Variants in MAF observed in about 807,000 individuals in gnomAD.
MAF encodes transcription factor Maf.
In MAF, 10 loss-of-function variants were observed where a neutral mutation model predicts 22.0. The observed-to-expected ratio is 0.45, with a 90% CI of 0.28 to 0.77. The LOEUF is 0.77. Among genes scored for constraint, MAF ranks in the 30% least tolerant of loss-of-function variants. MAF has a pLI of 0.12. For missense variants in MAF, 544 were observed against 548.4 expected (o/e 0.99, Z 0.08); for synonymous variants, 337 against 255.8 (o/e 1.32, Z -3.03).
the MAF span, among the ~76,000 whole-genome samples, chr16:79,365,263 C>T: frequency 2.5e-3 from 383 of 152,304 alleles, 2 homozygotes; most frequent in African/African-American, 8.8e-3. Context: ...TAGGTAGGCC[C>T]TGCTATCGTG....
chr16:79,485,175 A>C, the MAF span, among the ~76,000 whole-genome samples: 2 of 152,172 alleles, frequency 1.3e-5, no homozygotes, highest in African/African-American at 4.8e-5. Context: ...GCTGTGTTCA[A>C]ACCCCACCCC....
the MAF span, among the ~76,000 whole-genome samples, chr16:79,218,432 G>T: frequency 6.6e-6 from 1 of 152,064 alleles, no homozygotes; most frequent in East Asian, 1.9e-4. Context: ...TCTATCAATT[G>T]ATCTCCTCAG....
the MAF span, among the ~76,000 whole-genome samples, chr16:79,493,138 T>TG: frequency 4.4e-4 from 64 of 144,244 alleles, no homozygotes; most frequent in South Asian, 1.7e-3. Context: ...TTCTGTTTTT[T>TG]TTTTGTTTTG....
the MAF span, among the ~76,000 whole-genome samples, chr16:79,382,637 T>A: frequency 6.6e-6 from 1 of 152,372 alleles, no homozygotes; most frequent in East Asian, 1.9e-4. Flanking sequence ...TTTTTAAAAT[T>A]GGAATTATCC....
At chr16:79,516,964 G>A in the MAF span, among the ~76,000 whole-genome samples, 1 of 152,192 alleles carries the variant, frequency 6.6e-6, no homozygotes, top group African/African-American at 2.4e-5. Context: ...TGAACCAGAG[G>A]CTTTCTAAGG....
At chr16:79,281,839 A>C in the MAF span, among the ~76,000 whole-genome samples, 1 of 152,048 alleles carries the variant, frequency 6.6e-6, no homozygotes, top group African/African-American at 2.4e-5. Flanking sequence ...ACAATCCTTT[A>C]CGCCTACAGC....
the MAF span, among the ~76,000 whole-genome samples, chr16:79,382,729 T>G: frequency 6.6e-6 from 1 of 152,228 alleles, no homozygotes; most frequent in Non-Finnish European, 1.5e-5. Flanking sequence ...GAGCATCATA[T>G]CTCAGAAAAA....
the MAF span, among the ~76,000 whole-genome samples, chr16:79,452,974 G>A: frequency 6.6e-6 from 1 of 152,176 alleles, no homozygotes; most frequent in Non-Finnish European, 1.5e-5. Flanking sequence ...GCGATGTGGA[G>A]GTTTATCTGT....
chr16:79,336,763 C>T, the MAF span, among the ~76,000 whole-genome samples: 1 of 152,148 alleles, frequency 6.6e-6, no homozygotes, highest in Non-Finnish European at 1.5e-5. Flanking sequence ...TTTGCATTTT[C>T]TTTTCTTCTG....
At chr16:79,290,658 A>G in the MAF span, among the ~76,000 whole-genome samples, 1 of 152,120 alleles carries the variant, frequency 6.6e-6, no homozygotes, top group Non-Finnish European at 1.5e-5. Flanking sequence ...CTGTTGGTCT[A>G]TTACATAAAA....
At chr16:79,463,868 G>A in the MAF span, among the ~76,000 whole-genome samples, 1 of 151,226 alleles carries the variant, frequency 6.6e-6, no homozygotes, top group African/African-American at 2.4e-5. Context: ...TTGCAGGTGT[G>A]GTGTTCTTTG....
chr16:79,379,504 CACA>C, the MAF span, among the ~76,000 whole-genome samples: 1 of 24,718 alleles, frequency 4.0e-5, no homozygotes, highest in African/African-American at 7.4e-4. Flanking sequence ...TGGAAGTGCA[CACA>C]CACACACACA....
At chr16:79,317,093 C>T in the MAF span, among the ~76,000 whole-genome samples, 1 of 152,010 alleles carries the variant, frequency 6.6e-6, no homozygotes, top group Admixed American at 6.6e-5. Flanking sequence ...CTCCCTCCTT[C>T]CTCCCTCACT....
the MAF span, among the ~76,000 whole-genome samples, chr16:79,325,333 G>C: frequency 1.3e-5 from 2 of 152,170 alleles, no homozygotes; most frequent in African/African-American, 2.4e-5. Context: ...CGTGCTTCCA[G>C]CTGGCAGATG....
At chr16:79,285,242 C>G in the MAF span, among the ~76,000 whole-genome samples, 5 of 152,054 alleles carry the variant, frequency 3.3e-5, 1 homozygote, top group South Asian at 6.2e-4. Flanking sequence ...GAAAAAATAT[C>G]TATTAAAAAA....
At chr16:79,299,000 T>G in the MAF span, among the ~76,000 whole-genome samples, 31 of 152,380 alleles carry the variant, frequency 2.0e-4, no homozygotes, top group African/African-American at 7.5e-4. Context: ...GAGTGGCCCC[T>G]TCTAAGGAAT....
chr16:79,228,291 G>A, the MAF span, among the ~76,000 whole-genome samples: 8 of 152,170 alleles, frequency 5.3e-5, no homozygotes, highest in East Asian at 1.4e-3. Context: ...CATCTACAAG[G>A]AAAGCGTGAA....
the MAF span, among the ~76,000 whole-genome samples, chr16:79,229,604 T>C: frequency 6.6e-6 from 1 of 151,950 alleles, no homozygotes; most frequent in Non-Finnish European, 1.5e-5. Flanking sequence ...ACTCCATCCA[T>C]CTGTGGACAG....
At chr16:79,462,040 A>G in the MAF span, among the ~76,000 whole-genome samples, 1 of 152,002 alleles carries the variant, frequency 6.6e-6, no homozygotes, top group East Asian at 1.9e-4. Context: ...TTTCTCCACA[A>G]CCAAAGTGCC....
Sources: allele counts gnomAD v4.1 joint callset (sites outside exome capture counted in the v4.1 genomes callset), GRCh38; gene constraint gnomAD v4.1.1; transcripts MANE v1.5; gene names NCBI Gene and HGNC (gene_info 2026-07-23, HGNC 2026-07-21).